The following GRAMD1B variants were observed in gnomAD, a reference collection of about 807,000 sequenced individuals.
GRAMD1B encodes the protein GRAM domain containing 1B.
GRAMD1B carries 37 observed loss-of-function variants against 99.7 expected under a neutral mutation model. The ratio of observed to expected loss-of-function variants is 0.37; its 90% CI spans 0.29 to 0.49. The LOEUF (loss-of-function observed/expected upper bound fraction) is 0.49, where lower values mean the gene tolerates loss of function less well. Among genes scored for constraint, GRAMD1B ranks in the 20% least tolerant of loss-of-function variants. The pLI, the probability that GRAMD1B is intolerant of heterozygous loss-of-function variation, is 0.98. For missense variants in GRAMD1B, 888 were observed against 1,009.2 expected (o/e 0.88, Z 1.63); for synonymous variants, 427 against 387.6 (o/e 1.10, Z -1.19).
intron 6 of GRAMD1B, 68 bp from the exon 7 acceptor site, chr11:123,595,874 C>T: frequency 1.2e-6 from 1 of 829,566 alleles, no homozygotes; most frequent in Admixed American, 2.1e-5. Flanking sequence ...GCCCCCTGAA[C>T]ACTGTTTACC....
intron 1 of GRAMD1B, among the ~76,000 whole-genome samples, chr11:123,448,223 ACT>A (rs573326251): frequency 4.7e-5 from 7 of 149,828 alleles, no homozygotes; most frequent in African/African-American, 1.7e-4. Context: ...TCTCTCGCTC[ACT>A]CTCTTTCTCA....
chr11:123,624,061 G>C lies in GRAMD1B; in HGVS notation c.*1466G>C, dbSNP rs1955359546. 6.6e-6 allele frequency: 1 copy of C among 152,176 alleles called. No individual in the cohort carries two copies. Among genetic ancestry groups the C allele is most frequent in the South Asian group, 2.1e-4 (1 of 4,826 alleles). The allele number at this position is 152,176 out of a possible 1,614,324, so 9.4% of individuals were successfully genotyped here. ...CATCATCCCTCATACACTAACTACT[G>C]TTTCTTCATGTAATGACCAAAAGAG... On this transcript the variant is annotated 3_prime_UTR_variant, in exon 20 of 20. Coordinates refer to ENST00000635736, the MANE Select transcript of GRAMD1B (RefSeq NM_001387025.1).
intron 1 of GRAMD1B, among the ~76,000 whole-genome samples, chr11:123,393,971 A>C (rs1477917466): frequency 6.6e-6 from 1 of 152,184 alleles, no homozygotes. Context: ...AATCCCTTAC[A>C]ACTGCCTGAT....
At chr11:123,578,579 C>T (rs906643640) in intron 3 of GRAMD1B, 49 of 659,980 alleles carry the variant, frequency 7.4e-5, no homozygotes, top group Admixed American at 3.6e-4. Context: ...CACTGTCCCC[C>T]GGCAGGCTGG....
At chr11:123,614,609 C>A in intron 16 of GRAMD1B, 136 bp from the exon 17 acceptor site, 1 of 582,604 alleles carries the variant, frequency 1.7e-6, no homozygotes, top group Admixed American at 2.8e-5. Flanking sequence ...TGGCAGTCTC[C>A]GCATATCGTT....
chr11:123,577,467 G>A lies in GRAMD1B; in HGVS notation c.553G>A (p.Val185Met). ...GCAGAACCAGGACGGAGACACCATG[G>A]TGGAGAAGGGCTCAGATCACTCCTC... The part of the protein sequence containing the change: ...TPQNQDGDTM[V>M]EKGSDHSSDK... The change falls in exon 3 of 20, where the codon GTG (valine) becomes ATG (methionine). Residue 185 changes from valine to methionine, a missense_variant. By Grantham distance (21) the Val-to-Met change is conservative. Coordinates refer to ENST00000635736, the MANE Select transcript of GRAMD1B (RefSeq NM_001387025.1). 1 of 1,604,574 alleles carries A rather than the reference G, an allele frequency of 6.2e-7. No individual in the cohort carries two copies. The highest frequency in any genetic ancestry group is 8.5e-7 in the Non-Finnish European group (1 of 1,175,796).
rs1046660576 is a variant in GRAMD1B, at chr11:123,560,123, G to T, written c.453-17244G>T. ...TCCACGCTGGCATGAATAATTGAGCGCCGGCAAGCTGACTGCACCAAAGAG... is the reference window on the plus strand; with the variant it reads ...TCCACGCTGGCATGAATAATTGAGCTCCGGCAAGCTGACTGCACCAAAGAG... On this transcript the variant is annotated intron_variant, in intron 2 of 19. Transcript: ENST00000635736. 5 of 816,972 alleles carry T rather than the reference G, an allele frequency of 6.1e-6. No homozygotes were observed. The Admixed American group carries it at 1.8e-4, about 30-fold the overall frequency. The allele number at this position is 816,972 out of a possible 1,614,324, so 50.6% of individuals were successfully genotyped here.
chr11:123,498,709 G>T (rs148437246), intron 2 of GRAMD1B, among the ~76,000 whole-genome samples: 2,193 of 152,240 alleles, frequency 0.014, 40 homozygotes, highest in African/African-American at 0.049. Context: ...GTTAGACATG[G>T]TTCTGAAGCA....
intron 1 of GRAMD1B, among the ~76,000 whole-genome samples, chr11:123,414,944 C>T (rs546415356): frequency 6.6e-6 from 1 of 152,272 alleles, no homozygotes; most frequent in South Asian, 2.1e-4. Context: ...ATATTCTCAC[C>T]TACACACATG....
intron 1 of GRAMD1B, among the ~76,000 whole-genome samples, chr11:123,403,287 C>G (rs528985031): frequency 2.0e-5 from 3 of 151,468 alleles, no homozygotes; most frequent in African/African-American, 7.3e-5. Flanking sequence ...ATTAGCCAGG[C>G]GTGATGGTGC....
intron 1 of GRAMD1B, among the ~76,000 whole-genome samples, chr11:123,461,901 C>A (rs1035744343): frequency 3.3e-5 from 5 of 150,600 alleles, no homozygotes; most frequent in African/African-American, 1.2e-4. Context: ...CCACTGCGCC[C>A]GGCCAAGATA....
intron 1 of GRAMD1B, among the ~76,000 whole-genome samples, chr11:123,380,990 T>C (rs1339940424): frequency 1.4e-5 from 2 of 146,158 alleles, no homozygotes; most frequent in African/African-American, 4.9e-5. Context: ...ATTTTTCATG[T>C]TTTTTTTCTC....
chr11:123,605,425 T>C lies in GRAMD1B; in HGVS notation c.1270T>C (p.Ser424Pro). ...TGCCAGTCCACAGCTGCCCAAGAAA[T>C]CCATCACCAACAGCACACTAACATC... ...PDASPQLPKK[S>P]ITNSTLTSTG... Residue 424 changes from serine to proline, a missense_variant, in exon 10 of 20, where the codon TCC becomes CCC. Transcript: ENST00000635736. 6.2e-7 allele frequency: 1 copy of C among 1,612,712 alleles called. No homozygotes were observed. Among genetic ancestry groups the C allele is most frequent in the Non-Finnish European group, 8.5e-7 (1 of 1,179,360 alleles).
chr11:123,360,768 T>TTCC (rs1946113989), intron 1 of GRAMD1B, among the ~76,000 whole-genome samples: 9 of 70,300 alleles, frequency 1.3e-4, no homozygotes, highest in South Asian at 1.1e-3. Context: ...TCCTTCCTTC[T>TTCC]TTCCTTCCTT....
intron 2 of GRAMD1B, among the ~76,000 whole-genome samples, chr11:123,544,131 G>T (rs1944823435): frequency 6.6e-6 from 1 of 152,162 alleles, no homozygotes; most frequent in Non-Finnish European, 1.5e-5. Context: ...CAGGGGTGTG[G>T]TCTGGGAATT....
intron 2 of GRAMD1B, among the ~76,000 whole-genome samples, chr11:123,544,750 G>C (rs888510798): frequency 6.6e-6 from 1 of 152,254 alleles, no homozygotes; most frequent in Non-Finnish European, 1.5e-5. Flanking sequence ...AGCTGGAAAG[G>C]GCATTGCCAC....
At chr11:123,430,023 G>A (rs569916084), upstream of GRAMD1B, among the ~76,000 whole-genome samples, 1 of 151,900 alleles carries the variant, frequency 6.6e-6, no homozygotes, top group South Asian at 2.1e-4. Context: ...AGCCGAGTTC[G>A]ACTAATGGGA....
At chr11:123,421,557 TAGA>T (rs1222341862) in intron 1 of GRAMD1B, among the ~76,000 whole-genome samples, 4 of 152,174 alleles carry the variant, frequency 2.6e-5, no homozygotes, top group Non-Finnish European at 5.9e-5. Context: ...TGAGATAGAG[TAGA>T]AGAAGGATGT....
At chr11:123,513,417 C>A (rs1432505685) in intron 2 of GRAMD1B, among the ~76,000 whole-genome samples, 1 of 151,952 alleles carries the variant, frequency 6.6e-6, no homozygotes, top group Admixed American at 6.6e-5. Context: ...AGACTAGGGC[C>A]ATCTGATAGC....
Sources: gnomAD v4.1 joint callset for allele counts (sites outside exome capture counted in the v4.1 genomes callset) on GRCh38, gnomAD v4.1.1 for gene constraint, MANE v1.5 for transcripts, NCBI Gene and HGNC (gene_info 2026-07-23, HGNC 2026-07-21) for gene names.